ACTN4: variants seen among roughly 807,000 people sequenced by gnomAD.
ACTN4 encodes the protein actinin alpha 4.
A neutral mutation model predicts 114.2 loss-of-function variants in ACTN4; 18 were observed. The observed-to-expected ratio is 0.16, with a 90% CI of 0.11 to 0.23. The LOEUF is 0.23. Ranked by LOEUF, ACTN4 falls within the 10% of genes least tolerant of loss-of-function variation. ACTN4 has a pLI of 1.00. For synonymous variants in ACTN4, 515 were observed against 506.3 expected (o/e 1.02, Z -0.23); for missense variants, 722 against 1,262.9 (o/e 0.57, Z 6.49).
intron 19 of ACTN4, among the ~76,000 whole-genome samples, chr19:38,728,599 C>T (rs907141441): frequency 1.3e-5 from 2 of 152,142 alleles, no homozygotes; most frequent in African/African-American, 4.8e-5. Context: ...CCCTTCTTCC[C>T]TAGAAGTCTC....
chr19:38,673,636 T>TTTATATATATTTATATATTCATATATA, intron 1 of ACTN4, among the ~76,000 whole-genome samples: 1 of 52,256 alleles, frequency 1.9e-5, no homozygotes, highest in East Asian at 3.8e-4. Flanking sequence ...TTCATATATA[T>TTTATATATATTTATATATTCATATATA]TTATATATAT....
At chr19:38,703,731 A>C (rs1968361681) in intron 3 of ACTN4, among the ~76,000 whole-genome samples, 1 of 152,118 alleles carries the variant, frequency 6.6e-6, no homozygotes, top group Non-Finnish European at 1.5e-5. Context: ...CAGCCCGACC[A>C]ACATGTGATT....
intron 1 of ACTN4, among the ~76,000 whole-genome samples, chr19:38,650,483 T>G (rs1976529156): frequency 6.6e-6 from 1 of 152,092 alleles, no homozygotes; most frequent in Non-Finnish European, 1.5e-5. Context: ...GCTCACAGAG[T>G]CCGCTAATAC....
At chr19:38,682,846 A>G (rs7254100) in intron 1 of ACTN4, among the ~76,000 whole-genome samples, 2 of 151,646 alleles carry the variant, frequency 1.3e-5, no homozygotes, top group African/African-American at 2.4e-5. Flanking sequence ...GGCTCTTTCT[A>G]CTTATTCAGC....
rs1394869180 is a variant in ACTN4 at position 38,727,881 on chromosome 19, C to T, written c.2338-65C>T. On this transcript the variant is annotated intron_variant, in intron 18 of 20. Transcript: ENST00000252699. The surrounding 1 kb of genome is among the most constrained non-coding windows in gnomAD (Gnocchi z 5.4). ...TTCCCCCTGCCCTCTGCATGTGACC[C>T]CGATCCCTCATCCTGGTCTCCACGC... 3 of 1,513,450 alleles carry T rather than the reference C, an allele frequency of 2.0e-6. No homozygotes were observed. The highest frequency in any genetic ancestry group is 1.8e-6 in the Non-Finnish European group (2 of 1,096,554). 93.8% of individuals were successfully genotyped at this position (1,513,450 alleles called of 1,614,324 possible).
rs1048097625 is a variant in ACTN4 at position 38,696,407 on chromosome 19, G to A, written c.163-4193G>A. 4.6e-5 allele frequency among the ~76,000 whole-genome samples: 7 copies of A among 152,064 alleles called. No homozygotes were observed. The South Asian group carries it at 6.2e-4, about 14-fold the overall frequency. On this transcript the variant is annotated intron_variant, in intron 1 of 20. Coordinates refer to ENST00000252699, the MANE Select transcript of ACTN4 (RefSeq NM_004924.6). ...CATGGTGGAGGGCGGCGTGGTGGGC[G>A]CATAGGGCCCCCATCTATAGAAACC... is the stretch of plus-strand genomic sequence containing the variant.
chr19:38,714,816 A>G (rs1968785987), intron 9 of ACTN4, among the ~76,000 whole-genome samples: 1 of 152,220 alleles, frequency 6.6e-6, no homozygotes, highest in South Asian at 2.1e-4. Context: ...AGAGATGCTC[A>G]GGGACAGTGT....
intron 1 of ACTN4, among the ~76,000 whole-genome samples, chr19:38,652,821 C>G (rs553617540): frequency 6.6e-6 from 1 of 152,162 alleles, no homozygotes; most frequent in African/African-American, 2.4e-5. Flanking sequence ...CGCAGTGGCT[C>G]GCGCCTGTAA....
chr19:38,663,266 C>T (rs756743370), intron 1 of ACTN4, among the ~76,000 whole-genome samples: 5 of 152,164 alleles, frequency 3.3e-5, no homozygotes, highest in Non-Finnish European at 7.3e-5. Context: ...TCTTGGGCCC[C>T]AGAGTCCAGC....
chr19:38,671,350 T>C (rs1967122189), intron 1 of ACTN4, among the ~76,000 whole-genome samples: 1 of 152,220 alleles, frequency 6.6e-6, no homozygotes, highest in South Asian at 2.1e-4. Flanking sequence ...AAGCAACACT[T>C]TTCTACAGAG....
At position 38,683,157 on chromosome 19, in the gene ACTN4, C is replaced by T. The variant is rs191378009; in HGVS notation, c.163-17443C>T. Among the ~76,000 whole-genome samples the T allele has an allele frequency of 1.7e-4, 26 of 152,268 alleles. No individual in the cohort carries two copies. The East Asian group carries it at 5.0e-3, about 29-fold the overall frequency. ...CCCCTTGTTGGGGGACTGGGGAGTG[C>T]CTGGGAGGGGCTATCTGGTGCCAGC... On this transcript the variant is annotated intron_variant, in intron 1 of 20. Coordinates refer to ENST00000252699, the MANE Select transcript of ACTN4 (RefSeq NM_004924.6).
At chr19:38,668,632 G>A (rs1568684876) in intron 1 of ACTN4, among the ~76,000 whole-genome samples, 1 of 152,188 alleles carries the variant, frequency 6.6e-6, no homozygotes, top group Non-Finnish European at 1.5e-5. Flanking sequence ...GTTGCAGTGA[G>A]CCGAGGTCGT....
intron 1 of ACTN4, among the ~76,000 whole-genome samples, chr19:38,684,782 T>C (rs1967690330): frequency 6.6e-6 from 1 of 152,186 alleles, no homozygotes; most frequent in South Asian, 2.1e-4. Context: ...TCTCTCTCTG[T>C]GGTCATGGTC....
At chr19:38,680,219 T>G (rs949033074) in intron 1 of ACTN4, among the ~76,000 whole-genome samples, 23 of 23,824 alleles carry the variant, frequency 9.7e-4, no homozygotes, top group African/African-American at 1.8e-3. Context: ...GAAGTTTTTT[T>G]TTTTTTTTTT....
At chr19:38,726,904 G>T (rs1321744016) in intron 17 of ACTN4, 53 bp from the exon 18 acceptor site, 2 of 1,610,574 alleles carry the variant, frequency 1.2e-6, no homozygotes, top group African/African-American at 2.7e-5. Context: ...GTGAACCACG[G>T]TGAGGACAGT....
intron 1 of ACTN4, among the ~76,000 whole-genome samples, chr19:38,653,255 G>A (rs558432213): frequency 1.3e-5 from 2 of 152,136 alleles, no homozygotes; most frequent in Non-Finnish European, 2.9e-5. Context: ...TTATCTGCCA[G>A]TGCTAGTTAG....
At chr19:38,682,641 G>A (rs768674171) in intron 1 of ACTN4, among the ~76,000 whole-genome samples, 1 of 152,176 alleles carries the variant, frequency 6.6e-6, no homozygotes, top group South Asian at 2.1e-4. Flanking sequence ...TTGGGGCGGC[G>A]TTCTCCGCGC....
chr19:38,648,166 G>A (rs1976445589), intron 1 of ACTN4: 2 of 394,240 alleles, frequency 5.1e-6, no homozygotes, highest in South Asian at 5.0e-5. Flanking sequence ...GAAGGCTGAT[G>A]AAGGATTTGG....
chr19:38,680,959 C>T (rs916193886), intron 1 of ACTN4, among the ~76,000 whole-genome samples: 8 of 151,776 alleles, frequency 5.3e-5, no homozygotes, highest in Non-Finnish European at 1.0e-4. Flanking sequence ...AACCCCGTCT[C>T]TACTAAAAAT....
Sources: allele counts gnomAD v4.1 joint callset (sites outside exome capture counted in the v4.1 genomes callset), GRCh38; gene constraint gnomAD v4.1.1; non-coding constraint Gnocchi (gnomAD v3.1); transcripts MANE v1.5; gene names NCBI Gene and HGNC (gene_info 2026-07-23, HGNC 2026-07-21).